The following DESI2 variants were observed in gnomAD, a reference collection of about 807,000 sequenced individuals.
DESI2 encodes the protein desumoylating isopeptidase 2.
A neutral mutation model predicts 24.1 loss-of-function variants in DESI2; 10 were observed. The observed-to-expected ratio is 0.41, with a 90% CI of 0.26 to 0.70. The LOEUF is 0.70. DESI2 is among the 30% of genes least tolerant of loss of function. The pLI is 0.29. For synonymous variants in DESI2, 71 were observed against 87.7 expected (o/e 0.81, Z 1.06); for missense variants, 122 against 234.9 (o/e 0.52, Z 3.14).
At chr1:244,661,156 C>A (rs1041300976) in intron 1 of DESI2, among the ~76,000 whole-genome samples, 1 of 152,224 alleles carries the variant, frequency 6.6e-6, no homozygotes, top group Non-Finnish European at 1.5e-5. Context: ...TCTATACCCA[C>A]TAAACAACAA....
intron 1 of DESI2, among the ~76,000 whole-genome samples, chr1:244,685,621 T>G (rs926947101): frequency 2.0e-5 from 3 of 152,222 alleles, no homozygotes; most frequent in African/African-American, 7.2e-5. Flanking sequence ...CATTTATGCT[T>G]CTTCCAGCAA....
Position 244,653,141 on chromosome 1 carries a change from C to T in DESI2, c.-173C>T, listed in dbSNP as rs902923016. 3 of 538,450 alleles carry T rather than the reference C, an allele frequency of 5.6e-6. No individual in the cohort carries two copies. The highest frequency in any genetic ancestry group is 2.0e-5 in the African/African-American group (1 of 50,452). 33.4% of individuals were successfully genotyped at this position (538,450 alleles called of 1,614,324 possible). A position where few individuals can be genotyped will look rare whatever the true frequency, so the allele number is the denominator to read the frequency against. On this transcript the variant is annotated 5_prime_UTR_variant, in exon 1 of 5. Transcript: ENST00000302550. ...CCGTCCGCACAGACGCTCCTGTCGGCGGCGCCCGGGAGCGGCTCGGCTGCC... is the reference window on the plus strand; with the variant it reads ...CCGTCCGCACAGACGCTCCTGTCGGTGGCGCCCGGGAGCGGCTCGGCTGCC...
chr1:244,665,530 A>C (rs1195012602), intron 1 of DESI2, among the ~76,000 whole-genome samples: 1 of 152,210 alleles, frequency 6.6e-6, no homozygotes, highest in Non-Finnish European at 1.5e-5. Flanking sequence ...TATTTCTGTC[A>C]TAGTTAATGC....
At chr1:244,653,969 A>G (rs775023901) in intron 1 of DESI2, 1 of 471,198 alleles carries the variant, frequency 2.1e-6, no homozygotes, top group South Asian at 1.5e-5. Context: ...AGCCCAGCTG[A>G]ATTATTTAGA....
chr1:244,654,062 G>T, intron 1 of DESI2: 1 of 469,226 alleles, frequency 2.1e-6, no homozygotes, highest in Non-Finnish European at 4.4e-6. Flanking sequence ...GGAGAGGGAA[G>T]GGAAGAAGTT....
chr1:244,699,650 C>T (rs1677364562), intron 4 of DESI2, among the ~76,000 whole-genome samples: 1 of 147,106 alleles, frequency 6.8e-6, no homozygotes, highest in South Asian at 2.2e-4. Context: ...TTTAATATAT[C>T]CCTTCCAGAC....
chr1:244,682,534 CTA>C (rs1491175735), intron 1 of DESI2, among the ~76,000 whole-genome samples: 1 of 152,194 alleles, frequency 6.6e-6, no homozygotes, highest in Non-Finnish European at 1.5e-5. Context: ...TGGTAGGTAA[CTA>C]TTTTCATAAT....
rs569030028 is a variant in DESI2 at position 244,680,378 on chromosome 1, C to T, written c.43-6219C>T. On this transcript the variant is annotated intron_variant, in intron 1 of 4. Transcript: ENST00000302550. Reference sequence around the variant, plus strand: ...GGCTTGAGCCCTGCCTGCAGTGAACCGAGATCAGGCCACTGCACTCCAGCC... The same window carrying T: ...GGCTTGAGCCCTGCCTGCAGTGAACTGAGATCAGGCCACTGCACTCCAGCC... Among the ~76,000 whole-genome samples, 183 of 151,706 alleles carry T rather than the reference C, an allele frequency of 1.2e-3. 1 individual carries two copies. Among genetic ancestry groups the T allele is most frequent in the African/African-American group, 4.1e-3 (171 of 41,348 alleles).
chr1:244,684,167 A>G (rs2148802632), intron 1 of DESI2, among the ~76,000 whole-genome samples: 1 of 152,214 alleles, frequency 6.6e-6, no homozygotes, highest in Non-Finnish European at 1.5e-5. Flanking sequence ...TATATGTGCA[A>G]CCTATTCTTT....
chr1:244,686,525 G>A, intron 1 of DESI2, 72 bp from the exon 2 acceptor site: 1 of 933,048 alleles, frequency 1.1e-6, no homozygotes, highest in Non-Finnish European at 1.7e-6. Flanking sequence ...CTGGGGAGCA[G>A]TCACTTCTGT....
At chr1:244,683,227 T>C (rs1676680376) in intron 1 of DESI2, among the ~76,000 whole-genome samples, 1 of 152,168 alleles carries the variant, frequency 6.6e-6, no homozygotes, top group Admixed American at 6.5e-5. Flanking sequence ...ATTAGCAAGA[T>C]TCTTTGCTAA....
chr1:244,684,433 T>C (rs1282127692), intron 1 of DESI2, among the ~76,000 whole-genome samples: 2 of 152,224 alleles, frequency 1.3e-5, no homozygotes, highest in Non-Finnish European at 2.9e-5. Context: ...TTTGTTGCAA[T>C]TGGTGGTAGT....
chr1:244,689,367 TAC>T lies in DESI2; in HGVS notation c.209+28_209+29del, dbSNP rs1205742505. 32 of 1,110,336 alleles carry T rather than the reference TAC, an allele frequency of 2.9e-5. No individual in the cohort carries two copies. The highest frequency in any genetic ancestry group is 4.3e-5 in the Non-Finnish European group (31 of 721,510). The allele number at this position is 1,110,336 out of a possible 1,614,324, so 68.8% of individuals were successfully genotyped here. On this transcript the variant is annotated intron_variant, in intron 3 of 4. Coordinates refer to ENST00000302550, the MANE Select transcript of DESI2 (RefSeq NM_016076.5). The surrounding 1 kb of genome is among the most constrained non-coding windows in gnomAD (Gnocchi z 4.0). ...AGTAAGTAGGGAGGATAATTTTTAT[TAC>T]ACTGTCTTAGGTGCCATAGCTTGTT...
At chr1:244,701,967 C>T (rs765030498) in intron 4 of DESI2, among the ~76,000 whole-genome samples, 72 of 152,114 alleles carry the variant, frequency 4.7e-4, no homozygotes, top group African/African-American at 1.4e-3. Context: ...TATATGTGTA[C>T]GCTTGATTTT....
intron 4 of DESI2, among the ~76,000 whole-genome samples, chr1:244,693,449 A>G (rs761179271): frequency 6.8e-5 from 10 of 147,316 alleles, no homozygotes; most frequent in Non-Finnish European, 1.2e-4. Flanking sequence ...TTTTTTTTTG[A>G]GATGCAGTTT....
At chr1:244,665,151 C>G (rs994701527) in intron 1 of DESI2, among the ~76,000 whole-genome samples, 1 of 151,848 alleles carries the variant, frequency 6.6e-6, no homozygotes, top group Non-Finnish European at 1.5e-5. Flanking sequence ...TTGAATCTTC[C>G]GATATTAATA....
chr1:244,678,513 A>G (rs188503622), intron 1 of DESI2, among the ~76,000 whole-genome samples: 241 of 152,330 alleles, frequency 1.6e-3, no homozygotes, highest in African/African-American at 5.7e-3. Flanking sequence ...CCAAAAGTCA[A>G]CATTCGGGCA....
At chr1:244,690,708 CAAAAAAA>C (rs34260121) in intron 3 of DESI2, among the ~76,000 whole-genome samples, 1 of 70,372 alleles carries the variant, frequency 1.4e-5, no homozygotes, top group Admixed American at 1.5e-4. Context: ...TCCGTCTCAC[CAAAAAAA>C]AAAAAAAAAA....
At chr1:244,701,753 C>G (rs1465418370) in intron 4 of DESI2, among the ~76,000 whole-genome samples, 1 of 152,154 alleles carries the variant, frequency 6.6e-6, no homozygotes, top group Admixed American at 6.6e-5. Flanking sequence ...TTGCTTTTTT[C>G]ACTAATAGTA....
Sources: gnomAD v4.1 joint callset for allele counts (sites outside exome capture counted in the v4.1 genomes callset) on GRCh38, gnomAD v4.1.1 for gene constraint, Gnocchi (gnomAD v3.1) non-coding constraint, MANE v1.5 for transcripts, NCBI Gene and HGNC (gene_info 2026-07-23, HGNC 2026-07-21) for gene names.